Variants in NDC1 observed in about 807,000 individuals in gnomAD.
NDC1 encodes the protein NDC1 transmembrane nucleoporin.
In NDC1, 24 loss-of-function variants were observed where a neutral mutation model predicts 89.8. The ratio of observed to expected loss-of-function variants is 0.27; its 90% CI spans 0.19 to 0.38. The LOEUF (loss-of-function observed/expected upper bound fraction) is 0.38, where lower values mean the gene tolerates loss of function less well. Ranked by LOEUF, NDC1 falls within the 10% of genes least tolerant of loss-of-function variation. The pLI is 1.00. For synonymous variants in NDC1, 296 were observed against 284.8 expected, an observed-to-expected ratio of 1.04 and a Z score of -0.39; for missense variants, 728 against 797.6, an observed-to-expected ratio of 0.91 and a Z score of 1.05.
chr1:53,767,734 G>A lies in NDC1; in HGVS notation c.*236C>T. On this transcript the variant is annotated 3_prime_UTR_variant, in exon 18 of 18. Transcript: ENST00000371429. ...CAATGCTTCTGTAAAATTGAATAAA[G>A]ATTTTATTATACCACACACACAAAA... 1 of 351,368 alleles carries A rather than the reference G, an allele frequency of 2.8e-6. No individual in the cohort carries two copies. Among genetic ancestry groups the A allele is most frequent in the Non-Finnish European group, 5.1e-6 (1 of 195,122 alleles). 21.8% of individuals were successfully genotyped at this position (351,368 alleles called of 1,614,324 possible).
intron 3 of NDC1, among the ~76,000 whole-genome samples, chr1:53,830,960 G>A (rs1649045189): frequency 6.6e-6 from 1 of 152,032 alleles, no homozygotes; most frequent in African/African-American, 2.4e-5. Context: ...GGTGGCTCAT[G>A]CCTGTAATTC....
chr1:53,805,402 C>T (rs566663788), intron 9 of NDC1, among the ~76,000 whole-genome samples: 1 of 152,256 alleles, frequency 6.6e-6, no homozygotes, highest in Admixed American at 6.5e-5. Context: ...GATGAGGTCT[C>T]CCTATGTTTT....
chr1:53,778,245 A>ATG (rs975838177), intron 16 of NDC1, among the ~76,000 whole-genome samples: 22 of 136,678 alleles, frequency 1.6e-4, no homozygotes, highest in Non-Finnish European at 3.3e-4. Flanking sequence ...ATAGTATATG[A>ATG]TGTGTGTGTG....
At chr1:53,787,942 T>C (rs779824787) in intron 15 of NDC1, among the ~76,000 whole-genome samples, 1 of 150,872 alleles carries the variant, frequency 6.6e-6, no homozygotes, top group Non-Finnish European at 1.5e-5. Context: ...TGAGCAACAT[T>C]TAAGCACTGA....
intron 3 of NDC1, among the ~76,000 whole-genome samples, chr1:53,829,510 A>C (rs1161494942): frequency 6.6e-6 from 1 of 152,242 alleles, no homozygotes; most frequent in African/African-American, 2.4e-5. Context: ...GTGCTCCTAT[A>C]CAAGCTCTTA....
chr1:53,803,570 TTAA>T (rs1647994143), intron 10 of NDC1, among the ~76,000 whole-genome samples: 1 of 146,430 alleles, frequency 6.8e-6, no homozygotes, highest in African/African-American at 2.8e-5. Context: ...TTTAAGTTAA[TTAA>T]TTTTTTTTTT....
chr1:53,789,146 AAT>A lies in NDC1; in HGVS notation c.1684_1685del (p.Ile562LeufsTer18). ...QAVFSDAQMH[I>X]WALEGLSHLV... ...GTCATTGCTTACCTTCTAATGCCCA[AAT>A]ATGCATTTGGGCATCTGAAAAAACA... On this transcript the variant is annotated frameshift_variant, in exon 15 of 18. Coordinates refer to ENST00000371429, the MANE Select transcript of NDC1 (RefSeq NM_018087.5). LOFTEE classifies it high-confidence loss of function. 1 of 1,605,002 alleles carries A rather than the reference AAT, an allele frequency of 6.2e-7. No homozygotes were observed. Among genetic ancestry groups the A allele is most frequent in the South Asian group, 1.1e-5 (1 of 89,960 alleles).
chr1:53,782,062 T>TGTTGAGG (rs1453541693), intron 16 of NDC1, among the ~76,000 whole-genome samples: 2 of 151,850 alleles, frequency 1.3e-5, no homozygotes, highest in African/African-American at 2.4e-5. Flanking sequence ...GACAATAAAG[T>TGTTGAGG]GTTGAGGGGG....
rs772400366 is a variant in NDC1, at chr1:53,828,203, A to G, written c.281-30T>C. ...AAAGGAAACACATTACTGTGGCTTT[A>G]TAACCTACAGCATATGCAGTTAGAG... On this transcript the variant is annotated intron_variant, in intron 3 of 17. Transcript: ENST00000371429. The G allele has an allele frequency of 1.9e-6, 3 of 1,605,226 alleles. No individual in the cohort carries two copies. The South Asian group carries it at 3.3e-5, about 18-fold the overall frequency.
Position 53,835,602 on chromosome 1 carries a change from C to T in NDC1, c.76G>A (p.Val26Ile), listed in dbSNP as rs199526095. Reference sequence around the variant, plus strand: ...AGCACTGACCAAACAATACTTGCAACTATCCTCCAGCCCAAAACCTATAAA... The same window carrying T: ...AGCACTGACCAAACAATACTTGCAATTATCCTCCAGCCCAAAACCTATAAA... ...ILWRVLGWRI[V>I]ASIVWSVLFL... The change falls in exon 2 of 18, where the codon GTT becomes ATT. Residue 26 changes from valine (V) to isoleucine (I), a missense_variant. Coordinates refer to ENST00000371429, the MANE Select transcript of NDC1 (RefSeq NM_018087.5). 48 of 1,612,384 alleles carry T rather than the reference C, an allele frequency of 3.0e-5. No individual in the cohort carries two copies. Among genetic ancestry groups the T allele is most frequent in the Non-Finnish European group, 4.1e-5 (48 of 1,179,404 alleles).
In NDC1 at chr1:53,820,148, G is replaced by A. The variant is rs187448267; in HGVS notation, c.595-1069C>T. On this transcript the variant is annotated intron_variant, in intron 5 of 17. Coordinates refer to ENST00000371429, the MANE Select transcript of NDC1 (RefSeq NM_018087.5). ...CACATGCCTGTAATCGCAGCTACTC[G>A]GGAGGTTGACGCAGGAGAATCACTT... Among the ~76,000 whole-genome samples the A allele has an allele frequency of 3.3e-5, 5 of 151,916 alleles. No individual in the cohort carries two copies. In the East Asian group the frequency reaches 5.8e-4, roughly 18 times the overall value.
chr1:53,793,325 C>A (rs1474892424), intron 13 of NDC1, 46 bp from the exon 14 acceptor site: 2 of 1,429,196 alleles, frequency 1.4e-6, no homozygotes, highest in Middle Eastern at 1.8e-4. Flanking sequence ...CTTTTAAATT[C>A]TATTCAAATA....
chr1:53,806,407 G>C lies in NDC1; in HGVS notation c.984+18C>G. 1 of 1,458,292 alleles carries C rather than the reference G, an allele frequency of 6.9e-7. No individual in the cohort carries two copies. Among genetic ancestry groups the C allele is most frequent in the Non-Finnish European group, 9.2e-7 (1 of 1,088,704 alleles). 90.3% of individuals were successfully genotyped at this position (1,458,292 alleles called of 1,614,324 possible). A position where few individuals can be genotyped will look rare whatever the true frequency, so the allele number is the denominator to read the frequency against. On this transcript the variant is annotated intron_variant, in intron 9 of 17. Transcript: ENST00000371429. ...GTTAGAGAAAACTGTGTGAAGATAT[G>C]CAACACAGTTTGGATACCTTTATGA...
At chr1:53,825,402 C>A (rs1162239347) in intron 5 of NDC1, among the ~76,000 whole-genome samples, 1 of 148,480 alleles carries the variant, frequency 6.7e-6, no homozygotes, top group African/African-American at 2.5e-5. Context: ...TTGCAGTGAG[C>A]CGAGATTGCG....
chr1:53,822,110 G>GA (rs1648688091), intron 5 of NDC1, among the ~76,000 whole-genome samples: 1 of 152,118 alleles, frequency 6.6e-6, no homozygotes, highest in African/African-American at 2.4e-5. Context: ...CAAGTTTAAA[G>GA]AAAAAACTAA....
intron 17 of NDC1, among the ~76,000 whole-genome samples, chr1:53,768,682 G>A (rs565044136): frequency 1.3e-5 from 2 of 152,008 alleles, no homozygotes; most frequent in Non-Finnish European, 2.9e-5. Flanking sequence ...GAAAAATTCC[G>A]GTTTTCTAGT....
intron 14 of NDC1, among the ~76,000 whole-genome samples, chr1:53,791,781 T>C (rs1033190356): frequency 6.6e-6 from 1 of 152,218 alleles, no homozygotes; most frequent in Non-Finnish European, 1.5e-5. Context: ...TCTGTGCCCT[T>C]AGGCTAACTA....
intron 4 of NDC1, among the ~76,000 whole-genome samples, chr1:53,827,745 T>C (rs1375890720): frequency 6.6e-6 from 1 of 152,210 alleles, no homozygotes; most frequent in Admixed American, 6.5e-5. Context: ...AATTTCTCTA[T>C]TGTTCTCAAC....
chr1:53,823,029 G>T (rs1012697100), intron 5 of NDC1, among the ~76,000 whole-genome samples: 2 of 152,068 alleles, frequency 1.3e-5, no homozygotes, highest in African/African-American at 4.8e-5. Flanking sequence ...ATAAGCTACG[G>T]TGTCCTCCCT....
Sources: allele counts gnomAD v4.1 joint callset (sites outside exome capture counted in the v4.1 genomes callset), GRCh38; gene constraint gnomAD v4.1.1; transcripts MANE v1.5; gene names NCBI Gene and HGNC (gene_info 2026-07-23, HGNC 2026-07-21).